CSMD2: variants seen among roughly 807,000 people sequenced by gnomAD.
The protein encoded by CSMD2 is CUB and Sushi multiple domains 2.
Under a neutral mutation model 398.5 loss-of-function variants are expected in CSMD2, and 130 were observed. The ratio of observed to expected loss-of-function variants is 0.33; its 90% confidence interval spans 0.28 to 0.38. CSMD2 has a LOEUF of 0.38. CSMD2 is among the 10% of genes least tolerant of loss of function. CSMD2 has a pLI of 1.00. For missense variants in CSMD2, 3,829 were observed against 4,764.9 expected, an observed-to-expected ratio of 0.80 and a Z score of 5.78; for synonymous variants, 1,828 against 1,908.5, an observed-to-expected ratio of 0.96 and a Z score of 1.10.
chr1:33,913,499 G>GGAGTA (rs1241220865), intron 5 of CSMD2, among the ~76,000 whole-genome samples: 10 of 152,162 alleles, frequency 6.6e-5, no homozygotes, highest in Non-Finnish European at 1.5e-5. Context: ...CCTCATTCCA[G>GGAGTA]GAGTATTGTA....
intron 2 of CSMD2, among the ~76,000 whole-genome samples, chr1:34,079,538 T>C (rs962303426): frequency 6.6e-6 from 1 of 152,342 alleles, no homozygotes; most frequent in Middle Eastern, 3.4e-3. Flanking sequence ...CATGTTAAAC[T>C]CTGCCTTGCC....
chr1:33,828,945 G>A (rs903532806), intron 6 of CSMD2, among the ~76,000 whole-genome samples: 1 of 152,184 alleles, frequency 6.6e-6, no homozygotes, highest in Non-Finnish European at 1.5e-5. Flanking sequence ...GTTTGTCAAG[G>A]TGATGAGAAC....
At chr1:33,923,819 G>A (rs969978637) in intron 4 of CSMD2, among the ~76,000 whole-genome samples, 1 of 152,184 alleles carries the variant, frequency 6.6e-6, no homozygotes, top group African/African-American at 2.4e-5. Flanking sequence ...GGAGGTGAGT[G>A]TTGAGCAAGT....
At chr1:33,520,107 C>T (rs1465361264) in intron 68 of CSMD2, among the ~76,000 whole-genome samples, 157 bp from the exon 69 acceptor site, 3 of 152,104 alleles carry the variant, frequency 2.0e-5, no homozygotes, top group East Asian at 1.9e-4. Context: ...CAGGGCTGCC[C>T]GCCTGCCTCC....
chr1:33,608,242 C>A (rs1361013845), intron 41 of CSMD2, among the ~76,000 whole-genome samples: 1 of 152,176 alleles, frequency 6.6e-6, no homozygotes. Flanking sequence ...ACAGGCACAA[C>A]CTTTACAAGG....
chr1:33,847,365 C>A (rs540785053), intron 5 of CSMD2, among the ~76,000 whole-genome samples: 7 of 151,658 alleles, frequency 4.6e-5, no homozygotes, highest in Non-Finnish European at 7.4e-5. Flanking sequence ...CATCCATGTC[C>A]CCCAAGATGA....
rs778707872 is a variant in CSMD2 at position 33,569,507 on chromosome 1, G to A, written c.7998C>T (p.His2666=). 6.2e-7 allele frequency: 1 copy of A among 1,614,204 alleles called. No individual in the cohort carries two copies. The highest frequency in any genetic ancestry group is 1.1e-5 in the South Asian group (1 of 91,084). Reference sequence around the variant, plus strand: ...CGTAGACAGACAGTGTTCCGATGCGGTGGCCATTGGGGGGAATCGGGAGCT... The same window carrying A: ...CGTAGACAGACAGTGTTCCGATGCGATGGCCATTGGGGGGAATCGGGAGCT... ...CGELPIPPNG[H]RIGTLSVYGA... The change falls in exon 52 of 71, where the codon CAC becomes CAT. Residue 2666 remains histidine, a synonymous_variant. Transcript: ENST00000373381.
At chr1:33,768,406 A>G (rs1264124432) in intron 13 of CSMD2, among the ~76,000 whole-genome samples, 2 of 152,176 alleles carry the variant, frequency 1.3e-5, no homozygotes, top group East Asian at 3.9e-4. Flanking sequence ...GCCCCACACA[A>G]AAAGAATTAT....
chr1:34,078,094 C>T (rs72667738), intron 2 of CSMD2, among the ~76,000 whole-genome samples: 2,250 of 152,060 alleles, frequency 0.015, 17 homozygotes, highest in Middle Eastern at 0.048. Context: ...CTCAGCCTCC[C>T]GAGTAGTAGC....
At chr1:33,662,815 A>G in intron 26 of CSMD2, 75 bp downstream of exon 26, 1 of 1,309,334 alleles carries the variant, frequency 7.6e-7, no homozygotes, top group Non-Finnish European at 1.1e-6. Context: ...GGATGAAGGA[A>G]AGTGAGGGCC....
intron 2 of CSMD2, among the ~76,000 whole-genome samples, chr1:34,035,639 T>C (rs374959988): frequency 6.6e-6 from 1 of 151,638 alleles, no homozygotes; most frequent in African/African-American, 2.4e-5. Context: ...AGAAAAAGTA[T>C]TTGACACATT....
chr1:34,061,629 A>C (rs915739322), intron 2 of CSMD2, among the ~76,000 whole-genome samples: 1 of 152,238 alleles, frequency 6.6e-6, no homozygotes, highest in African/African-American at 2.4e-5. Flanking sequence ...TATTTCACAG[A>C]GTTCTTGTAA....
At chr1:33,697,675 T>C (rs907881907) in intron 24 of CSMD2, among the ~76,000 whole-genome samples, 1 of 152,244 alleles carries the variant, frequency 6.6e-6, no homozygotes, top group African/African-American at 2.4e-5. Flanking sequence ...TCAATTGAAA[T>C]ATCACCTCCC....
chr1:33,812,589 A>C (rs536587559), intron 9 of CSMD2, among the ~76,000 whole-genome samples: 1 of 152,354 alleles, frequency 6.6e-6, no homozygotes, highest in Non-Finnish European at 1.5e-5. Context: ...CAGGTTTTAA[A>C]ATTTATGAAC....
At chr1:34,117,024 C>T (rs918780647) in intron 1 of CSMD2, among the ~76,000 whole-genome samples, 4 of 151,788 alleles carry the variant, frequency 2.6e-5, no homozygotes, top group Non-Finnish European at 5.9e-5. Flanking sequence ...CAGCACATTG[C>T]ACATGCATTA....
Position 33,567,656 on chromosome 1 carries a change from C to G in CSMD2, c.8317G>C (p.Gly2773Arg). The change falls in exon 53 of 71, where the codon GGC (glycine) becomes CGC (arginine). Residue 2773 changes from glycine (G) to arginine (R), a missense_variant. Transcript: ENST00000373381. ...YQCNAGFRLIGMSVRICQQDH... is the reference protein window; with the variant it reads ...YQCNAGFRLIRMSVRICQQDH... ...TGCTGGCAGATGCGCACAGACATGC[C>G]GATCAGGCGGAAGCCAGCATTGCAT... is the stretch of plus-strand genomic sequence containing the variant. 5.6e-6 allele frequency: 9 copies of G among 1,614,104 alleles called. No individual in the cohort carries two copies. Among genetic ancestry groups the G allele is most frequent in the Non-Finnish European group, 7.6e-6 (9 of 1,180,008 alleles).
intron 1 of CSMD2, among the ~76,000 whole-genome samples, chr1:34,125,281 G>A (rs192498450): frequency 1.3e-5 from 2 of 152,336 alleles, no homozygotes; most frequent in Admixed American, 1.3e-4. Flanking sequence ...AGCTGAGGCA[G>A]GTAGAGAGGG....
chr1:33,749,184 A>C (rs566338), intron 13 of CSMD2, among the ~76,000 whole-genome samples: 2 of 142,632 alleles, frequency 1.4e-5, no homozygotes, highest in African/African-American at 2.5e-5. Flanking sequence ...TGCAGGCTCC[A>C]CCCCCCCAGG....
At chr1:33,673,317 C>G (rs868603136) in intron 25 of CSMD2, among the ~76,000 whole-genome samples, 2 of 152,202 alleles carry the variant, frequency 1.3e-5, no homozygotes, top group Non-Finnish European at 2.9e-5. Context: ...GACGAATGCA[C>G]AAGCCTCAGT....
Sources: allele counts gnomAD v4.1 joint callset (sites outside exome capture counted in the v4.1 genomes callset), GRCh38; gene constraint gnomAD v4.1.1; transcripts MANE v1.5; gene names NCBI Gene and HGNC (gene_info 2026-07-23, HGNC 2026-07-21).